The following MATR3 variants were observed in gnomAD, a reference collection of about 807,000 sequenced individuals.
MATR3 encodes the protein matrin-3.
MATR3 carries 4 observed loss-of-function variants against 85.5 expected under a neutral mutation model. The observed-to-expected ratio is 0.05, with a 90% CI of 0.02 to 0.11. The LOEUF (loss-of-function observed/expected upper bound fraction) is 0.11. MATR3 is among the 10% of genes least tolerant of loss of function. MATR3 has a pLI of 1.00. For missense variants in MATR3, 685 were observed against 1,016.1 expected (o/e 0.67, Z 4.43); for synonymous variants, 336 against 343.1 (o/e 0.98, Z 0.23).
At chr5:139,311,256 C>T (rs1323628568) in intron 2 of MATR3, 1 of 152,058 alleles carries the variant, frequency 6.6e-6, no homozygotes, top group African/African-American at 2.4e-5. Flanking sequence ...TTTTTTTTCT[C>T]TCTATAAGGT....
intron 3 of MATR3, among the ~76,000 whole-genome samples, chr5:139,285,736 G>T (rs1367181102): frequency 6.6e-6 from 1 of 152,036 alleles, no homozygotes; most frequent in East Asian, 1.9e-4. Context: ...TCAACAAACA[G>T]AAATCATTAA....
At chr5:139,322,111 A>T in intron 10 of MATR3, 82 bp downstream of exon 10, 2 of 1,444,072 alleles carry the variant, frequency 1.4e-6, no homozygotes, top group Non-Finnish European at 1.9e-6. Context: ...ACATTTTTGT[A>T]TGCTAAAAAT....
At chr5:139,278,946 T>C in intron 2 of MATR3, 2 of 517,248 alleles carry the variant, frequency 3.9e-6, no homozygotes, top group Non-Finnish European at 7.7e-6. Flanking sequence ...GAATGACTCC[T>C]GTGGAGTTGA....
intron 1 of MATR3, chr5:139,294,091 G>A: frequency 8.0e-7 from 1 of 1,255,108 alleles, no homozygotes; most frequent in Non-Finnish European, 1.0e-6. Flanking sequence ...GGGAGATTTT[G>A]GGTGAAGAGG....
Position 139,308,220 on chromosome 5 carries a change from A to G in MATR3, c.805A>G (p.Lys269Glu). Reference protein sequence around the residue: ...PLQERSLFEKKRGAPPSSNIE... With the variant: ...PLQERSLFEKERGAPPSSNIE... ...ACAAGAGAGATCTCTCTTTGAGAAA[A>G]AGAGAGGCGCTCCTCCAAGTAGCAA... Residue 269 changes from lysine (K) to glutamate (E), a missense_variant, in exon 2 of 15, where the codon AAG becomes GAG. Coordinates refer to ENST00000394805, the MANE Select transcript of MATR3 (RefSeq NM_018834.6). 6.2e-7 allele frequency: 1 copy of G among 1,614,078 alleles called. No individual in the cohort carries two copies. Among genetic ancestry groups the G allele is most frequent in the East Asian group, 2.2e-5 (1 of 44,884 alleles).
upstream of MATR3, among the ~76,000 whole-genome samples, chr5:139,289,430 C>A (rs1209460375): frequency 6.6e-6 from 1 of 152,166 alleles, no homozygotes; most frequent in African/African-American, 2.4e-5. Context: ...TAAATATATA[C>A]CCTGTCTCTA....
intron 1 of MATR3, among the ~76,000 whole-genome samples, chr5:139,301,930 T>G (rs1413293902): frequency 6.6e-6 from 1 of 152,186 alleles, no homozygotes. Context: ...CTGACGCCAC[T>G]CTGCAACATT....
In MATR3 at chr5:139,308,337, C is replaced by T; in HGVS notation, c.912+10C>T. The T allele has an allele frequency of 6.2e-7, 1 of 1,613,946 alleles. No individual in the cohort carries two copies. Among genetic ancestry groups the T allele is most frequent in the South Asian group, 1.1e-5 (1 of 91,074 alleles). On this transcript the variant is annotated intron_variant, in intron 2 of 14. Transcript: ENST00000394805. ...AGTTCATTCTAATAAGGTGAGTTAA[C>T]TCAACAGATGCTTCTAATTTCTTTT...
rs80036770 is a variant in MATR3 at position 139,319,507 on chromosome 5, A to G, written c.1602+6A>G. ...TGATGAGGATGAAAAGTCAGGTAAT[A>G]TACATAAGGAAGTTTTAGAGAAGAT... On this transcript the variant is annotated splice_donor_region_variant and intron_variant, in intron 9 of 14. Coordinates refer to ENST00000394805, the MANE Select transcript of MATR3 (RefSeq NM_018834.6). 34,790 of 1,599,072 alleles carry G rather than the reference A, an allele frequency of 0.022. 482 individuals are homozygous for G. Among genetic ancestry groups the G allele is most frequent in the Non-Finnish European group, 0.026 (30,574 of 1,168,084 alleles).
intron 1 of MATR3, chr5:139,276,062 A>T (rs1384932854): frequency 6.6e-6 from 3 of 456,440 alleles, no homozygotes; most frequent in Non-Finnish European, 8.8e-6. Context: ...GAGGGGAGGG[A>T]CTCTGAGCTG....
intron 1 of MATR3, among the ~76,000 whole-genome samples, chr5:139,300,387 C>T (rs1476482187): frequency 1.3e-5 from 2 of 152,102 alleles, no homozygotes; most frequent in Non-Finnish European, 2.9e-5. Context: ...TACTACCAGT[C>T]TTTAAGTCTG....
At chr5:139,325,290 TA>T in intron 12 of MATR3, 149 bp from the exon 13 acceptor site, 1 of 1,553,032 alleles carries the variant, frequency 6.4e-7, no homozygotes, top group Non-Finnish European at 8.7e-7. Flanking sequence ...TTGTCTTTCT[TA>T]ACAGCGTCGT....
intron 3 of MATR3, among the ~76,000 whole-genome samples, chr5:139,287,470 T>C (rs961195096): frequency 4.6e-5 from 7 of 151,982 alleles, no homozygotes; most frequent in African/African-American, 1.7e-4. Flanking sequence ...AGTACAAAAA[T>C]TAGCTGGACA....
intron 1 of MATR3, among the ~76,000 whole-genome samples, chr5:139,304,222 T>C (rs1271214396): frequency 6.6e-6 from 1 of 152,152 alleles, no homozygotes; most frequent in Non-Finnish European, 1.5e-5. Flanking sequence ...AATTTGGTTA[T>C]CGGGCCAGGC....
intron 2 of MATR3, chr5:139,279,016 G>A (rs751426767): frequency 2.0e-6 from 1 of 510,716 alleles, no homozygotes; most frequent in Non-Finnish European, 3.9e-6. Context: ...TTGTCTTAGG[G>A]ACAGCCTGTC....
At chr5:139,278,272 CTATT>C in intron 2 of MATR3, 3 of 452,102 alleles carry the variant, frequency 6.6e-6, no homozygotes, top group East Asian at 7.0e-5. Flanking sequence ...CAATGCATTG[CTATT>C]TATTATATTC....
intron 1 of MATR3, among the ~76,000 whole-genome samples, chr5:139,300,691 C>T (rs1561928969): frequency 6.6e-6 from 1 of 152,244 alleles, no homozygotes; most frequent in African/African-American, 2.4e-5. Flanking sequence ...CAGAGTCTCA[C>T]TCTGTCACCC....
chr5:139,307,583 G>A lies in MATR3; in HGVS notation c.168G>A (p.Met56Ile), dbSNP rs1754773102. The change falls in exon 2 of 15, where the codon ATG becomes ATA. Residue 56 changes from methionine to isoleucine, a missense_variant. By Grantham distance (10) the Met-to-Ile change is conservative (BLOSUM62 1). Transcript: ENST00000394805. The surrounding 1 kb of genome is among the most constrained non-coding windows in gnomAD (Gnocchi z 4.4). ...GTACTGCACGCCTTGCTAGTTTAAT[G>A]AATCTTGGAATGAGTTCTTCATTGA... is the stretch of plus-strand genomic sequence containing the variant. ...NQGTARLASL[M>I]NLGMSSSLNQ... 1 of 1,614,130 alleles carries A rather than the reference G, an allele frequency of 6.2e-7. No homozygotes were observed.
chr5:139,324,261 C>A (rs946326024), intron 12 of MATR3, among the ~76,000 whole-genome samples: 2 of 147,680 alleles, frequency 1.4e-5, no homozygotes, highest in African/African-American at 5.0e-5. Flanking sequence ...AAAATTTAAA[C>A]TTGGGCAGTC....
Sources: allele counts gnomAD v4.1 joint callset (sites outside exome capture counted in the v4.1 genomes callset), GRCh38; gene constraint gnomAD v4.1.1; non-coding constraint Gnocchi (gnomAD v3.1); transcripts MANE v1.5; gene names NCBI Gene and HGNC (gene_info 2026-07-23, HGNC 2026-07-21).